Variants in NXPH1 observed in about 807,000 individuals in gnomAD.
NXPH1 encodes neurexophilin-1.
In NXPH1, 5 loss-of-function variants were observed where a neutral mutation model predicts 23.7. That is an observed-to-expected ratio of 0.21 (90% CI 0.11 to 0.44). NXPH1 has a LOEUF of 0.44. Ranked by LOEUF, NXPH1 falls within the 20% of genes least tolerant of loss-of-function variation. The pLI, the probability that NXPH1 is intolerant of heterozygous loss-of-function variation, is 0.99. For missense variants in NXPH1, 324 were observed against 321.6 expected, an observed-to-expected ratio of 1.01 and a Z score of -0.06; for synonymous variants, 144 against 122.2, an observed-to-expected ratio of 1.18 and a Z score of -1.18.
At position 8,746,659 on chromosome 7, in the gene NXPH1, A is replaced by C. The variant is rs147868290; in HGVS notation, c.55-4349A>C. Among the ~76,000 whole-genome samples, 692 of 152,340 alleles carry C rather than the reference A, an allele frequency of 4.5e-3. 3 individuals carry two copies. The highest frequency in any genetic ancestry group is 0.016 in the African/African-American group (664 of 41,584). ...TATATATTGATGCTATCCTTAATATAAATTTAAAAAATTATTTTATTGTGG... is the reference window on the plus strand; with the variant it reads ...TATATATTGATGCTATCCTTAATATCAATTTAAAAAATTATTTTATTGTGG... On this transcript the variant is annotated intron_variant, in intron 2 of 2. Transcript: ENST00000405863.
chr7:8,566,757 C>G (rs562192277), intron 2 of NXPH1, among the ~76,000 whole-genome samples: 2 of 151,938 alleles, frequency 1.3e-5, no homozygotes, highest in South Asian at 4.2e-4. Flanking sequence ...CTACCAGTAT[C>G]ACAGAGTCTC....
chr7:8,695,477 A>T (rs1288525482), intron 2 of NXPH1, among the ~76,000 whole-genome samples: 3 of 152,202 alleles, frequency 2.0e-5, no homozygotes, highest in African/African-American at 7.2e-5. Flanking sequence ...AATTTACTGC[A>T]ATCATAATGT....
intron 2 of NXPH1, among the ~76,000 whole-genome samples, chr7:8,715,318 G>A (rs1779860155): frequency 6.6e-6 from 1 of 152,160 alleles, no homozygotes; most frequent in Non-Finnish European, 1.5e-5. Flanking sequence ...TGGGGTAAGG[G>A]TGGCATCAAA....
chr7:8,649,837 T>C (rs1820462324), intron 2 of NXPH1, among the ~76,000 whole-genome samples: 1 of 152,194 alleles, frequency 6.6e-6, no homozygotes, highest in South Asian at 2.1e-4. Context: ...AGTGGGTATG[T>C]TCAGGGGTTA....
At chr7:8,447,524 T>C (rs950204203) in intron 2 of NXPH1, among the ~76,000 whole-genome samples, 2 of 152,238 alleles carry the variant, frequency 1.3e-5, no homozygotes, top group Non-Finnish European at 2.9e-5. Context: ...TTATTTCTTT[T>C]GGTTTAACAA....
intron 2 of NXPH1, among the ~76,000 whole-genome samples, chr7:8,556,825 A>G (rs888106313): frequency 1.3e-5 from 2 of 151,708 alleles, no homozygotes; most frequent in African/African-American, 4.8e-5. Flanking sequence ...GTTAACATTT[A>G]TTTAATGCTT....
intron 2 of NXPH1, among the ~76,000 whole-genome samples, chr7:8,647,525 G>A (rs1339628298): frequency 6.6e-6 from 1 of 151,840 alleles, no homozygotes; most frequent in South Asian, 2.1e-4. Context: ...TGAATGTTTA[G>A]GTTTTAATGT....
At chr7:8,529,939 T>G (rs566686671) in intron 2 of NXPH1, among the ~76,000 whole-genome samples, 1 of 152,348 alleles carries the variant, frequency 6.6e-6, no homozygotes, top group South Asian at 2.1e-4. Context: ...AAGATTATGT[T>G]AATTATGCTA....
At chr7:8,618,187 A>G (rs1478452909) in intron 2 of NXPH1, among the ~76,000 whole-genome samples, 5 of 152,112 alleles carry the variant, frequency 3.3e-5, no homozygotes, top group African/African-American at 1.2e-4. Context: ...GGTAGAATGG[A>G]TACTCATGTT....
At chr7:8,557,319 C>G (rs1818374004) in intron 2 of NXPH1, among the ~76,000 whole-genome samples, 1 of 151,622 alleles carries the variant, frequency 6.6e-6, no homozygotes, top group South Asian at 2.1e-4. Context: ...TGATTAGACC[C>G]CTCTTCCTAA....
intron 2 of NXPH1, among the ~76,000 whole-genome samples, chr7:8,667,678 A>T (rs1372469482): frequency 6.6e-6 from 1 of 151,928 alleles, no homozygotes; most frequent in African/African-American, 2.4e-5. Context: ...TCTTATTTAG[A>T]TTGAATCTAA....
At chr7:8,659,982 G>T (rs1820646911) in intron 2 of NXPH1, among the ~76,000 whole-genome samples, 1 of 152,126 alleles carries the variant, frequency 6.6e-6, no homozygotes, top group Non-Finnish European at 1.5e-5. Context: ...GGATGGTATT[G>T]GCGTCAAGTG....
intron 2 of NXPH1, among the ~76,000 whole-genome samples, chr7:8,473,490 C>T (rs1416721055): frequency 1.3e-5 from 2 of 152,120 alleles, no homozygotes; most frequent in Non-Finnish European, 2.9e-5. Context: ...GGGTGTGAGG[C>T]TTCAGATTAA....
intron 2 of NXPH1, among the ~76,000 whole-genome samples, chr7:8,635,354 A>T (rs1820202492): frequency 6.6e-6 from 1 of 152,180 alleles, no homozygotes; most frequent in African/African-American, 2.4e-5. Context: ...CAGCTATTGA[A>T]CTCAAAAGAA....
chr7:8,473,956 A>G (rs1816918283), intron 2 of NXPH1, among the ~76,000 whole-genome samples: 2 of 152,104 alleles, frequency 1.3e-5, no homozygotes, highest in Admixed American at 1.3e-4. Flanking sequence ...GCTCCCTTCA[A>G]ATTACCCAGG....
chr7:8,525,679 G>A (rs557930135), intron 2 of NXPH1, among the ~76,000 whole-genome samples: 1 of 152,206 alleles, frequency 6.6e-6, no homozygotes, highest in Non-Finnish European at 1.5e-5. Flanking sequence ...TGGCTGAAAG[G>A]GGCCAACATG....
At chr7:8,664,126 C>T (rs1367742709) in intron 2 of NXPH1, among the ~76,000 whole-genome samples, 2 of 151,580 alleles carry the variant, frequency 1.3e-5, no homozygotes, top group African/African-American at 4.9e-5. Flanking sequence ...TGGGTATTTC[C>T]ACTCATTTTC....
intron 2 of NXPH1, among the ~76,000 whole-genome samples, chr7:8,527,646 C>T (rs1249016638): frequency 6.6e-6 from 1 of 152,114 alleles, no homozygotes; most frequent in Non-Finnish European, 1.5e-5. Context: ...TTCCGTGGAC[C>T]TGCTAAATGG....
chr7:8,731,538 T>C (rs1322601495), intron 2 of NXPH1, among the ~76,000 whole-genome samples: 1 of 152,158 alleles, frequency 6.6e-6, no homozygotes, highest in Admixed American at 6.5e-5. Flanking sequence ...GTCCTTTCTG[T>C]TTGTTAGTTT....
Sources: allele counts gnomAD v4.1 joint callset (sites outside exome capture counted in the v4.1 genomes callset), GRCh38; gene constraint gnomAD v4.1.1; transcripts MANE v1.5; gene names NCBI Gene and HGNC (gene_info 2026-07-23, HGNC 2026-07-21).